Variants in RUFY2 observed in about 807,000 individuals in gnomAD.
RUFY2 encodes RUN and FYVE domain containing 2.
In RUFY2, 49 loss-of-function variants were observed where a neutral mutation model predicts 94.4. That is an observed-to-expected ratio of 0.52 (90% CI 0.41 to 0.66). RUFY2 has a LOEUF of 0.66. Ranked by LOEUF, RUFY2 falls within the 30% of genes least tolerant of loss-of-function variation. The pLI is 0.00. For synonymous variants in RUFY2, 255 were observed against 235.7 expected (o/e 1.08, Z -0.75); for missense variants, 541 against 692.8 (o/e 0.78, Z 2.46).
intron 8 of RUFY2, among the ~76,000 whole-genome samples, chr10:68,385,706 G>A (rs561333821): frequency 2.6e-5 from 4 of 152,010 alleles, no homozygotes; most frequent in African/African-American, 7.2e-5. Flanking sequence ...TGCACTTAAC[G>A]AGCATTTCTA....
chr10:68,377,024 T>A (rs771805394), intron 12 of RUFY2, 52 bp from the exon 13 acceptor site: 2 of 1,603,176 alleles, frequency 1.2e-6, no homozygotes, highest in South Asian at 2.3e-5. Context: ...AACTAGGGTG[T>A]AAAAGGGTGA....
In RUFY2 at chr10:68,343,481, G is replaced by C. The variant is rs1022535725; in HGVS notation, c.*2287C>G. On this transcript the variant is annotated 3_prime_UTR_variant, in exon 18 of 18. Coordinates refer to ENST00000602465, the MANE Select transcript of RUFY2 (RefSeq NM_001330103.2). ...CATCTTAAAGCAGTAAAAGTATACA[G>C]TATTAATGAAACCAAAATTGCCCTT... 6.6e-6 allele frequency: 1 copy of C among 152,506 alleles called. No homozygotes were observed. Among genetic ancestry groups the C allele is most frequent in the Non-Finnish European group, 1.5e-5 (1 of 68,004 alleles). 9.4% of individuals were successfully genotyped at this position (152,506 alleles called of 1,614,324 possible).
chr10:68,403,364 G>A (rs969439963), intron 2 of RUFY2, among the ~76,000 whole-genome samples: 3 of 152,000 alleles, frequency 2.0e-5, no homozygotes, highest in Non-Finnish European at 4.4e-5. Flanking sequence ...CAATTCTCCT[G>A]CCTCAGCCTC....
At chr10:68,350,018 T>C (rs917117820) in intron 16 of RUFY2, among the ~76,000 whole-genome samples, 2 of 151,870 alleles carry the variant, frequency 1.3e-5, no homozygotes, top group Non-Finnish European at 2.9e-5. Flanking sequence ...TTTCATATTA[T>C]TTTATTATTT....
intron 16 of RUFY2, among the ~76,000 whole-genome samples, chr10:68,352,980 A>G (rs983277414): frequency 6.6e-6 from 1 of 152,034 alleles, no homozygotes; most frequent in African/African-American, 2.4e-5. Context: ...TCAAGTAAGA[A>G]AATATAATCA....
chr10:68,345,799 A>G lies in RUFY2; in HGVS notation c.1790T>C (p.Leu597Pro), dbSNP rs1173892071. Residue 597 changes from leucine (L) to proline (P), a missense_variant, in exon 18 of 18, where the codon CTC becomes CCC. Leu to Pro is a moderately conservative substitution (Grantham distance 98). Around this residue, in one of 3 missense-constraint regions of RUFY2, gnomAD observed 403 missense variants for 480.7 expected, o/e 0.84. Transcript: ENST00000602465. ...VRVCDSCHAL[L>P]IQRCSSNLP is the part of the protein sequence containing the mutation. The stretch of plus-strand genomic sequence containing the variant: ...CAAGTTAGATGAGCATCTCTGAATG[A>G]GCAGTGCATGACAGGAATCACAAAC... The G allele has an allele frequency of 6.2e-7, 1 of 1,613,818 alleles. No homozygotes were observed. Among genetic ancestry groups the G allele is most frequent in the East Asian group, 2.2e-5 (1 of 44,868 alleles).
chr10:68,377,934 G>A, intron 12 of RUFY2: 1 of 985,332 alleles, frequency 1.0e-6, no homozygotes, highest in Non-Finnish European at 1.2e-6. Flanking sequence ...GGAAGGGAGA[G>A]TAACATTTAA....
intron 13 of RUFY2, among the ~76,000 whole-genome samples, chr10:68,376,467 T>C (rs2048666693): frequency 2.7e-5 from 1 of 36,520 alleles, no homozygotes; most frequent in African/African-American, 9.9e-5. Flanking sequence ...TATATATATA[T>C]ATATATATAT....
chr10:68,396,093 G>A (rs2050371795), intron 4 of RUFY2, among the ~76,000 whole-genome samples: 1 of 152,198 alleles, frequency 6.6e-6, no homozygotes, highest in Admixed American at 6.5e-5. Context: ...CCCTCTACCG[G>A]GTTCATGTGA....
chr10:68,347,609 G>A (rs1466847056), intron 16 of RUFY2, among the ~76,000 whole-genome samples: 2 of 152,110 alleles, frequency 1.3e-5, no homozygotes, highest in Non-Finnish European at 2.9e-5. Context: ...TAACCAGCTT[G>A]CTTAACCAAT....
intron 2 of RUFY2, 49 bp downstream of exon 2, chr10:68,404,622 G>T: frequency 7.1e-7 from 1 of 1,401,268 alleles, no homozygotes; most frequent in South Asian, 1.7e-5. Context: ...AAGGGCACTT[G>T]AAAAACGGAA....
At chr10:68,387,505 G>C (rs886167190) in intron 7 of RUFY2, among the ~76,000 whole-genome samples, 1 of 152,112 alleles carries the variant, frequency 6.6e-6, no homozygotes, top group Non-Finnish European at 1.5e-5. Flanking sequence ...ACAAGTATTG[G>C]TATTTTAATT....
downstream of RUFY2, chr10:68,341,416 C>A: frequency 8.2e-7 from 1 of 1,219,110 alleles, no homozygotes; most frequent in Non-Finnish European, 1.2e-6. Context: ...GATTTAAAAC[C>A]ATTTGACCTC....
At chr10:68,366,111 G>A (rs949016618) in intron 13 of RUFY2, among the ~76,000 whole-genome samples, 1 of 152,036 alleles carries the variant, frequency 6.6e-6, no homozygotes, top group Non-Finnish European at 1.5e-5. Flanking sequence ...CAGATCTCTT[G>A]AGGCCAAGAG....
rs2046109596 is a variant in RUFY2 at position 68,343,746 on chromosome 10, G to GTTAA, written c.*2021_*2022insTTAA. On this transcript the variant is annotated 3_prime_UTR_variant, in exon 18 of 18. Transcript: ENST00000602465. ...AAGTCTTGTAACAGAAAAATCCAAAGTTAGTATAGTTTTTAAATAAGCCAA... is the reference window on the plus strand; with the variant it reads ...AAGTCTTGTAACAGAAAAATCCAAAGTTAATTAGTATAGTTTTTAAATAAGCCAA... 1 of 137,334 alleles carries GTTAA rather than the reference G, an allele frequency of 7.3e-6. No individual in the cohort carries two copies. Among genetic ancestry groups the GTTAA allele is most frequent in the African/African-American group, 2.8e-5 (1 of 36,152 alleles). The allele number at this position is 137,334 out of a possible 1,614,324, so 8.5% of individuals were successfully genotyped here.
intron 7 of RUFY2, among the ~76,000 whole-genome samples, chr10:68,391,653 CAAAAAAAAAAAAA>C (rs1230935983): frequency 3.5e-5 from 1 of 28,790 alleles, no homozygotes; most frequent in East Asian, 1.0e-3. Flanking sequence ...GACCCTGTCT[CAAAAAAAAAAAAA>C]AAAAAAAAAA....
intron 1 of RUFY2, 81 bp downstream of exon 1, chr10:68,407,105 G>A (rs1005415088): frequency 4.0e-6 from 6 of 1,515,898 alleles, no homozygotes; most frequent in South Asian, 3.7e-5. Flanking sequence ...GTCTCCCCCA[G>A]CTCCCAGTCC....
chr10:68,376,730 TA>T, intron 13 of RUFY2, 122 bp downstream of exon 13: 2 of 984,216 alleles, frequency 2.0e-6, no homozygotes, highest in South Asian at 1.7e-5. Context: ...TTTTTTAAAG[TA>T]AACACTAAAA....
intron 16 of RUFY2, among the ~76,000 whole-genome samples, chr10:68,347,770 A>G (rs957697202): frequency 2.0e-5 from 3 of 152,192 alleles, no homozygotes; most frequent in Non-Finnish European, 4.4e-5. Context: ...AAAGAACCCA[A>G]GTATAACTGA....
Sources: gnomAD v4.1 joint callset for allele counts (sites outside exome capture counted in the v4.1 genomes callset) on GRCh38, gnomAD v4.1.1 for gene constraint, gnomAD v4.1.1 regional missense constraint, MANE v1.5 for transcripts, NCBI Gene and HGNC (gene_info 2026-07-23, HGNC 2026-07-21) for gene names.